GRID2: variants seen among roughly 807,000 people sequenced by gnomAD.
GRID2 encodes glutamate ionotropic receptor delta type subunit 2, also known as glutamate receptor ionotropic, delta-2.
In GRID2, 33 loss-of-function variants were observed where a neutral mutation model predicts 114.8. The ratio of observed to expected loss-of-function variants is 0.29; its 90% CI spans 0.22 to 0.38. The LOEUF (loss-of-function observed/expected upper bound fraction) is 0.38, where lower values mean the gene tolerates loss of function less well. Among genes scored for constraint, GRID2 ranks in the 10% least tolerant of loss-of-function variants. The pLI is 1.00. For missense variants in GRID2, 1,184 were observed against 1,257.7 expected (o/e 0.94, Z 0.89); for synonymous variants, 505 against 449.9 (o/e 1.12, Z -1.55).
At chr4:92,943,378 T>C (rs1451551142) in intron 2 of GRID2, among the ~76,000 whole-genome samples, 1 of 152,230 alleles carries the variant, frequency 6.6e-6, no homozygotes, top group Non-Finnish European at 1.5e-5. Flanking sequence ...CGTCGGCTAC[T>C]GAGGCTTGTG....
At chr4:92,482,022 AT>A (rs1560660541) in intron 1 of GRID2, among the ~76,000 whole-genome samples, 15 of 68,464 alleles carry the variant, frequency 2.2e-4, no homozygotes, top group Non-Finnish European at 3.6e-4. Flanking sequence ...ATATATATAT[AT>A]ATATATATAT....
chr4:92,484,361 T>C (rs904997575), intron 1 of GRID2, among the ~76,000 whole-genome samples: 1 of 152,114 alleles, frequency 6.6e-6, no homozygotes, highest in Admixed American at 6.6e-5. Context: ...AAAGATAAAA[T>C]GTCATTTCTG....
At chr4:93,292,334 A>C (rs1266420400) in intron 8 of GRID2, among the ~76,000 whole-genome samples, 1 of 152,172 alleles carries the variant, frequency 6.6e-6, no homozygotes. Flanking sequence ...CTATGTGCTC[A>C]GCATGCTGCT....
At chr4:92,504,320 T>C (rs941640907) in intron 1 of GRID2, among the ~76,000 whole-genome samples, 4 of 152,026 alleles carry the variant, frequency 2.6e-5, no homozygotes, top group African/African-American at 9.7e-5. Flanking sequence ...CCCAAATTCC[T>C]AGAGGCCTCT....
intron 1 of GRID2, among the ~76,000 whole-genome samples, chr4:93,804,063 G>A (rs940282050): frequency 6.6e-6 from 1 of 152,128 alleles, no homozygotes; most frequent in Non-Finnish European, 1.5e-5. Context: ...TCACTTTGCA[G>A]GTTTTACAAG....
intron 4 of GRID2, among the ~76,000 whole-genome samples, chr4:93,134,547 A>C (rs936032611): frequency 2.0e-5 from 3 of 152,132 alleles, no homozygotes; most frequent in Non-Finnish European, 4.4e-5. Flanking sequence ...TTCTGTTTTA[A>C]ATTTTTCTCT....
intron 8 of GRID2, among the ~76,000 whole-genome samples, chr4:93,367,188 A>AT (rs78389161): frequency 0.055 from 6,866 of 123,804 alleles, 181 homozygotes; most frequent in Middle Eastern, 0.087. Flanking sequence ...CTGTGGCTTT[A>AT]TTTTTTTTTT....
intron 4 of GRID2, among the ~76,000 whole-genome samples, chr4:93,148,492 A>C (rs1028318661): frequency 4.6e-5 from 7 of 152,278 alleles, no homozygotes; most frequent in Non-Finnish European, 7.4e-5. Flanking sequence ...TTAACTTCAA[A>C]ACCTAATTCT....
chr4:93,626,337 A>G lies in GRID2; in HGVS notation c.2262A>G (p.Pro754=). 1 of 1,602,892 alleles carries G rather than the reference A, an allele frequency of 6.2e-7. No homozygotes were observed. Among genetic ancestry groups the G allele is most frequent in the Non-Finnish European group, 8.5e-7 (1 of 1,169,930 alleles). ...TGGAATATGTGGCTATCAATGACCC[A>G]GATTGTTCCTTTTACACCATTGGAA... is the stretch of plus-strand genomic sequence containing the variant. The part of the protein sequence containing the change: ...AVLEYVAIND[P]DCSFYTIGNT... Residue 754 remains proline, a synonymous_variant, in exon 14 of 16, where the codon CCA becomes CCG. Coordinates refer to ENST00000282020, the MANE Select transcript of GRID2 (RefSeq NM_001510.4).
chr4:93,588,902 C>G (rs772638344), intron 13 of GRID2, among the ~76,000 whole-genome samples: 1 of 152,104 alleles, frequency 6.6e-6, no homozygotes, highest in Non-Finnish European at 1.5e-5. Context: ...CCTGATTTTG[C>G]CATTTTGCCC....
chr4:93,085,420 G>T, intron 3 of GRID2, 141 bp downstream of exon 3: 2 of 681,324 alleles, frequency 2.9e-6, no homozygotes, highest in Non-Finnish European at 5.0e-6. Flanking sequence ...TATAAACATA[G>T]CAACAACTGA....
chr4:93,538,553 G>T (rs566673077), intron 13 of GRID2, among the ~76,000 whole-genome samples: 2 of 151,538 alleles, frequency 1.3e-5, no homozygotes, highest in Admixed American at 6.6e-5. Context: ...AAAAGAGTAC[G>T]GAACAGGAAA....
chr4:92,614,647 A>G (rs62307891), intron 2 of GRID2, among the ~76,000 whole-genome samples: 7,134 of 151,728 alleles, frequency 0.047, 208 homozygotes, highest in East Asian at 0.095. Flanking sequence ...TCTGGAGTAT[A>G]TTCATGTGTG....
intron 13 of GRID2, among the ~76,000 whole-genome samples, chr4:93,532,926 A>G (rs1335589213): frequency 1.3e-5 from 2 of 152,166 alleles, no homozygotes; most frequent in Non-Finnish European, 2.9e-5. Flanking sequence ...TGTTTGAATC[A>G]GGAATCTTAT....
At chr4:93,215,350 T>G (rs995757114) in intron 5 of GRID2, among the ~76,000 whole-genome samples, 1 of 152,062 alleles carries the variant, frequency 6.6e-6, no homozygotes. Context: ...TTGGAAGACA[T>G]TGAATAGCAA....
rs545782161 is a variant in GRID2, at chr4:92,927,710, G to A, written c.245-157285G>A. ...GAGCCATCAAGAGTTGTCTGAGAGT[G>A]TGCATTTAATTTTGAACACGGAAAA... On this transcript the variant is annotated intron_variant, in intron 2 of 15. Coordinates refer to ENST00000282020, the MANE Select transcript of GRID2 (RefSeq NM_001510.4). Among the ~76,000 whole-genome samples, 19 of 151,852 alleles carry A rather than the reference G, an allele frequency of 1.3e-4. No homozygotes were observed. The South Asian group carries it at 3.9e-3, about 31-fold the overall frequency.
At chr4:92,694,068 G>T (rs1734314213) in intron 2 of GRID2, among the ~76,000 whole-genome samples, 5 of 152,062 alleles carry the variant, frequency 3.3e-5, no homozygotes, top group Admixed American at 3.3e-4. Flanking sequence ...AAGAATACAA[G>T]CATACAAAAC....
chr4:93,438,475 A>G (rs1333717238), intron 10 of GRID2, among the ~76,000 whole-genome samples: 1 of 152,116 alleles, frequency 6.6e-6, no homozygotes, highest in Non-Finnish European at 1.5e-5. Flanking sequence ...ATTATAAAAG[A>G]GTTTTACAAA....
intron 1 of GRID2, among the ~76,000 whole-genome samples, chr4:92,482,009 T>TATAC (rs1722630353): frequency 1.6e-5 from 1 of 64,000 alleles, no homozygotes; most frequent in African/African-American, 5.2e-5. Flanking sequence ...TATATATATA[T>TATAC]ATATATATAT....
Sources: gnomAD v4.1 joint callset for allele counts (sites outside exome capture counted in the v4.1 genomes callset) on GRCh38, gnomAD v4.1.1 for gene constraint, MANE v1.5 for transcripts, NCBI Gene and HGNC (gene_info 2026-07-23, HGNC 2026-07-21) for gene names.